PLEKHA7: variants seen among roughly 807,000 people sequenced by gnomAD.
PLEKHA7 encodes pleckstrin homology domain containing A7.
In PLEKHA7, 104 loss-of-function variants were observed where a neutral mutation model predicts 170.0. The observed-to-expected ratio is 0.61, with a 90% confidence interval of 0.52 to 0.72. The LOEUF is 0.72. PLEKHA7 is among the 30% of genes least tolerant of loss of function. The pLI is 0.00. For missense variants in PLEKHA7, 1,615 were observed against 1,671.7 expected (o/e 0.97, Z 0.59); for synonymous variants, 648 against 660.8 (o/e 0.98, Z 0.30).
chr11:16,865,731 C>T (rs1472661354), intron 4 of PLEKHA7, among the ~76,000 whole-genome samples: 1 of 152,098 alleles, frequency 6.6e-6, no homozygotes, highest in Non-Finnish European at 1.5e-5. Flanking sequence ...TCTAGTCATA[C>T]AGCAAAAGCA....
chr11:16,927,314 A>G (rs1859630701), intron 3 of PLEKHA7, among the ~76,000 whole-genome samples: 1 of 152,250 alleles, frequency 6.6e-6, no homozygotes, highest in South Asian at 2.1e-4. Context: ...TATTTTCCAA[A>G]TCAAAAATTA....
intron 3 of PLEKHA7, among the ~76,000 whole-genome samples, chr11:16,957,349 T>C (rs1266099159): frequency 1.3e-5 from 2 of 152,216 alleles, no homozygotes; most frequent in African/African-American, 4.8e-5. Flanking sequence ...TCTAGCTTTA[T>C]GATGAGAAGA....
At chr11:16,873,909 CG>C (rs1765539243) in intron 3 of PLEKHA7, among the ~76,000 whole-genome samples, 1 of 152,108 alleles carries the variant, frequency 6.6e-6, no homozygotes, top group Admixed American at 6.6e-5. Flanking sequence ...TCAGGTGATC[CG>C]CCCACCTCAG....
chr11:16,968,129 G>A (rs1260136037), intron 3 of PLEKHA7, among the ~76,000 whole-genome samples: 1 of 152,162 alleles, frequency 6.6e-6, no homozygotes, highest in African/African-American at 2.4e-5. Flanking sequence ...TTTACCCACA[G>A]GAAGTCATCT....
intron 3 of PLEKHA7, among the ~76,000 whole-genome samples, chr11:16,982,611 C>T (rs1252814034): frequency 6.6e-6 from 1 of 152,136 alleles, no homozygotes; most frequent in Non-Finnish European, 1.5e-5. Context: ...AATGTGAAAC[C>T]CGTGGTACCG....
rs370631062 is a variant in PLEKHA7, at chr11:16,822,616, C to A, written c.1343+3504G>T. ...TCCTTCCAGTTGAAACTCTCCCCAACAAAACCTCCAGTTTTCCTCCCCCAT... is the reference window on the plus strand; with the variant it reads ...TCCTTCCAGTTGAAACTCTCCCCAAAAAAACCTCCAGTTTTCCTCCCCCAT... On this transcript the variant is annotated intron_variant, in intron 10 of 26. Coordinates refer to ENST00000531066, the MANE Select transcript of PLEKHA7 (RefSeq NM_001329630.2). Among the ~76,000 whole-genome samples, 21 of 151,738 alleles carry A rather than the reference C, an allele frequency of 1.4e-4. 1 individual carries two copies. In the South Asian group the frequency reaches 4.4e-3, roughly 32 times the overall value.
chr11:16,968,982 G>A (rs550755221), intron 3 of PLEKHA7, among the ~76,000 whole-genome samples: 2 of 152,314 alleles, frequency 1.3e-5, no homozygotes, highest in Admixed American at 6.5e-5. Context: ...CAGTAAAAAA[G>A]CAGAATGTGT....
At chr11:16,825,270 G>A (rs1850546956) in intron 10 of PLEKHA7, among the ~76,000 whole-genome samples, 1 of 152,220 alleles carries the variant, frequency 6.6e-6, no homozygotes, top group Admixed American at 6.5e-5. Flanking sequence ...GTCTGGGCCT[G>A]GCCAACAGGG....
In PLEKHA7 at chr11:16,837,062, T is replaced by A. The variant is rs183921015; in HGVS notation, c.872+4485A>T. 3.6e-3 allele frequency among the ~76,000 whole-genome samples: 543 copies of A among 152,242 alleles called. 3 individuals are homozygous for A. The highest frequency in any genetic ancestry group is 0.013 in the African/African-American group (522 of 41,534). ...TGGTCTCGAACTCCTGACCTCAAGT[T>A]GTCCGCCTGCTTCGGCCTCCCAAAG... On this transcript the variant is annotated intron_variant, in intron 9 of 26. Transcript: ENST00000531066.
At chr11:16,798,381 CTGAGAG>C (rs1848375712) in intron 17 of PLEKHA7, among the ~76,000 whole-genome samples, 1 of 152,006 alleles carries the variant, frequency 6.6e-6, no homozygotes, top group East Asian at 1.9e-4. Context: ...GCTGGCCTAT[CTGAGAG>C]TAAGTCATGG....
chr11:16,789,468 A>C lies in PLEKHA7; in HGVS notation c.3157-172T>G. The C allele has an allele frequency of 1.5e-6, 1 of 662,930 alleles. No homozygotes were observed. Among genetic ancestry groups the C allele is most frequent in the African/African-American group, 1.8e-5 (1 of 55,332 alleles). 41.1% of individuals were successfully genotyped at this position (662,930 alleles called of 1,614,324 possible). A position where few individuals can be genotyped will look rare whatever the true frequency, so the allele number is the denominator to read the frequency against. On this transcript the variant is annotated intron_variant, in intron 22 of 26. Transcript: ENST00000531066. This position sits in a 1 kb window ranked among gnomAD's most constrained non-coding sequence, Gnocchi z 4.6. ...TTCCTCTAAGCAACACGATGCCCCC[A>C]ACCCTCAGGAGCTTTCTGAGTAGCA...
intron 10 of PLEKHA7, among the ~76,000 whole-genome samples, chr11:16,821,688 A>T (rs1314143514): frequency 6.6e-6 from 1 of 152,204 alleles, no homozygotes; most frequent in Admixed American, 6.5e-5. Context: ...TCTATTTATG[A>T]CTAACTGTAA....
chr11:16,890,863 G>A (rs898215975), intron 3 of PLEKHA7, among the ~76,000 whole-genome samples: 2 of 151,896 alleles, frequency 1.3e-5, no homozygotes, highest in Admixed American at 6.6e-5. Context: ...ATATATATAT[G>A]TATTGCTTAA....
At chr11:16,952,536 C>G (rs187833368) in intron 3 of PLEKHA7, among the ~76,000 whole-genome samples, 20 of 152,030 alleles carry the variant, frequency 1.3e-4, no homozygotes, top group Non-Finnish European at 2.4e-4. Context: ...CTAAACATAA[C>G]CCCAACTAAT....
At chr11:16,874,044 C>T (rs999652153) in intron 3 of PLEKHA7, among the ~76,000 whole-genome samples, 4 of 152,210 alleles carry the variant, frequency 2.6e-5, no homozygotes, top group African/African-American at 7.2e-5. Context: ...TGCCTCATTT[C>T]CACCTGGAGG....
intron 17 of PLEKHA7, among the ~76,000 whole-genome samples, chr11:16,796,584 T>C (rs1173228943): frequency 1.3e-5 from 2 of 152,220 alleles, no homozygotes; most frequent in African/African-American, 2.4e-5. Context: ...ATAAAATTGA[T>C]TGCGGTGACG....
Position 16,816,871 on chromosome 11 carries a change from G to A in PLEKHA7, c.1795C>T (p.Pro599Ser). The part of the protein sequence containing the change: ...TPAERVTVKP[P>S]DQRRSVDISL... ...ATGTCCACACTCCTCCTCTGGTCCG[G>A]TGGCTTCACTGTGACTCGCTCTGCT... Residue 599 changes from proline to serine, a missense_variant, in exon 11 of 27, where the codon CCG becomes TCG. Coordinates refer to ENST00000531066, the MANE Select transcript of PLEKHA7 (RefSeq NM_001329630.2). 1 of 1,614,140 alleles carries A rather than the reference G, an allele frequency of 6.2e-7. No individual in the cohort carries two copies.
intron 3 of PLEKHA7, among the ~76,000 whole-genome samples, chr11:16,889,208 A>C (rs1437042427): frequency 5.9e-5 from 9 of 151,588 alleles, no homozygotes; most frequent in Non-Finnish European, 1.3e-4. Context: ...TCTTCTGGAT[A>C]ATAAGTCTTA....
At position 16,789,992 on chromosome 11, in the gene PLEKHA7, C is replaced by T. The variant is rs1041088275; in HGVS notation, c.3053-114G>A. 1.1e-6 allele frequency: 1 copy of T among 907,828 alleles called. No homozygotes were observed. The highest frequency in any genetic ancestry group is 2.6e-5 in the East Asian group (1 of 38,190). The allele number at this position is 907,828 out of a possible 1,614,324, so 56.2% of individuals were successfully genotyped here. The stretch of plus-strand genomic sequence containing the variant: ...CAAGAGCACCCAGTCAATGACCCAC[C>T]CTTATTTCTCTTCTTCCTCCCCAGG... On this transcript the variant is annotated intron_variant, in intron 21 of 26. Coordinates refer to ENST00000531066, the MANE Select transcript of PLEKHA7 (RefSeq NM_001329630.2). This position sits in a 1 kb window ranked among gnomAD's most constrained non-coding sequence, Gnocchi z 4.6.
Sources: gnomAD v4.1 joint callset for allele counts (sites outside exome capture counted in the v4.1 genomes callset) on GRCh38, gnomAD v4.1.1 for gene constraint, Gnocchi (gnomAD v3.1) non-coding constraint, MANE v1.5 for transcripts, NCBI Gene and HGNC (gene_info 2026-07-23, HGNC 2026-07-21) for gene names.